USP22: variants seen among roughly 807,000 people sequenced by gnomAD.
The protein encoded by USP22 is ubiquitin carboxyl-terminal hydrolase 22.
Under a neutral mutation model 68.1 loss-of-function variants are expected in USP22, and 22 were observed. The observed-to-expected ratio is 0.32, with a 90% CI of 0.23 to 0.46. The LOEUF is 0.46. USP22 is among the 20% of genes least tolerant of loss of function. USP22 has a pLI of 1.00. For missense variants in USP22, 433 were observed against 695.8 expected, an observed-to-expected ratio of 0.62 and a Z score of 4.25; for synonymous variants, 279 against 274.2, an observed-to-expected ratio of 1.02 and a Z score of -0.17.
intron 8 of USP22, among the ~76,000 whole-genome samples, chr17:21,008,608 T>G (rs11870737): frequency 0.49 from 74,135 of 151,840 alleles, 19,273 homozygotes; most frequent in South Asian, 0.61. Context: ...GGTTACAGAG[T>G]GGGTGGTGAG....
At chr17:21,005,102 A>C in intron 10 of USP22, 112 bp from the exon 11 acceptor site, 12 of 1,205,596 alleles carry the variant, frequency 1.0e-5, no homozygotes, top group East Asian at 2.4e-5. Flanking sequence ...TGCTGCACCG[A>C]GGTGCACTTT....
chr17:21,016,967 A>G (rs1972090875), intron 5 of USP22, among the ~76,000 whole-genome samples: 1 of 152,230 alleles, frequency 6.6e-6, no homozygotes, highest in Admixed American at 6.5e-5. Flanking sequence ...TTATCACTAA[A>G]GTCAGTGATA....
intron 8 of USP22, among the ~76,000 whole-genome samples, chr17:21,010,170 C>A (rs1419326875): frequency 6.6e-6 from 1 of 151,958 alleles, no homozygotes; most frequent in Non-Finnish European, 1.5e-5. Flanking sequence ...TCTCAAAAAA[C>A]AAAATAAACA....
At chr17:21,007,741 T>C (rs1394840811) in intron 9 of USP22, 129 bp downstream of exon 9, 2 of 1,209,132 alleles carry the variant, frequency 1.7e-6, no homozygotes, top group Non-Finnish European at 2.4e-6. Context: ...ACACCCTCCC[T>C]TCCTCGGTGT....
At chr17:21,028,358 G>A (rs1972247923) in intron 2 of USP22, among the ~76,000 whole-genome samples, 184 bp downstream of exon 2, 1 of 152,196 alleles carries the variant, frequency 6.6e-6, no homozygotes, top group African/African-American at 2.4e-5. Flanking sequence ...AAGGCAAACT[G>A]AGGACGCGAT....
In USP22 at chr17:21,020,662, C is replaced by T. The variant is rs115759265; in HGVS notation, c.418+451G>A. On this transcript the variant is annotated intron_variant, in intron 3 of 12. Coordinates refer to ENST00000261497, the MANE Select transcript of USP22 (RefSeq NM_015276.2). ...AGGAAGGAGGTATGTTTACATATAACATTACTGCAAAGAGATCGCTTGCTA... is the reference window on the plus strand; with the variant it reads ...AGGAAGGAGGTATGTTTACATATAATATTACTGCAAAGAGATCGCTTGCTA... Among the ~76,000 whole-genome samples the T allele has an allele frequency of 4.1e-3, 619 of 152,340 alleles. 3 individuals are homozygous for T. The highest frequency in any genetic ancestry group is 0.014 in the African/African-American group (565 of 41,574).
At chr17:21,027,387 G>A (rs1347827570) in intron 2 of USP22, among the ~76,000 whole-genome samples, 1 of 151,350 alleles carries the variant, frequency 6.6e-6, no homozygotes, top group Admixed American at 6.6e-5. Context: ...TCCTTGTAGA[G>A]AGCTGTAAGG....
intron 6 of USP22, among the ~76,000 whole-genome samples, chr17:21,014,516 A>AG (rs1227311420): frequency 6.6e-6 from 1 of 152,204 alleles, no homozygotes; most frequent in Non-Finnish European, 1.5e-5. Flanking sequence ...AGTTTTTCAG[A>AG]GGAAAAAAAG....
chr17:21,042,373 CAG>C (rs1972447543), intron 1 of USP22: 1 of 137,848 alleles, frequency 7.3e-6, no homozygotes, highest in South Asian at 2.8e-4. Flanking sequence ...GGGGAGGGGA[CAG>C]AGAGGAGGGG....
In USP22 at chr17:21,015,849, C is replaced by A; in HGVS notation, c.741G>T (p.Leu247=). 1 of 1,614,126 alleles carries A rather than the reference C, an allele frequency of 6.2e-7. No homozygotes were observed. Among genetic ancestry groups the A allele is most frequent in the Non-Finnish European group, 8.5e-7 (1 of 1,180,034 alleles). ...CTAGGTGCCTCGCGTGGGTCCACAC[C>A]AGGTGCAGCAACTTATACGGGATGT... ...SPHIPYKLLH[L]VWTHARHLAG... Residue 247 remains leucine, a synonymous_variant, in exon 6 of 13, where the codon CTG becomes CTT. Coordinates refer to ENST00000261497, the MANE Select transcript of USP22 (RefSeq NM_015276.2).
chr17:21,043,327 C>T (rs1487887318), upstream of USP22: 2 of 140,208 alleles, frequency 1.4e-5, no homozygotes, highest in African/African-American at 5.7e-5. Context: ...GCACCTTCGG[C>T]TATTGTCATA....
At position 21,042,684 on chromosome 17, in the gene USP22, G is replaced by A; in HGVS notation, c.152C>T (p.Ala51Val). 1 of 1,345,858 alleles carries A rather than the reference G, an allele frequency of 7.4e-7. No homozygotes were observed. Among genetic ancestry groups the A allele is most frequent in the South Asian group, 1.7e-5 (1 of 57,196 alleles). 83.4% of individuals were successfully genotyped at this position (1,345,858 alleles called of 1,614,324 possible). ...IYQCFVWSGT[A>V]EARKRKAKSC... ...GCGCACCTTGCGCTTGCGGGCCTCA[G>A]CCGTGCCGCTCCACACGAAGCACTG... The change falls in exon 1 of 13, where the codon GCT becomes GTT. Residue 51 changes from alanine (A) to valine (V), a missense_variant. Transcript: ENST00000261497.
chr17:21,039,349 G>A (rs545110921), intron 1 of USP22, among the ~76,000 whole-genome samples: 1 of 151,452 alleles, frequency 6.6e-6, no homozygotes, highest in East Asian at 2.0e-4. Context: ...AGGCCAAGAT[G>A]GGCGGATCAC....
At chr17:21,027,004 C>G (rs1972229021) in intron 2 of USP22, among the ~76,000 whole-genome samples, 1 of 151,848 alleles carries the variant, frequency 6.6e-6, no homozygotes, top group Non-Finnish European at 1.5e-5. Flanking sequence ...GGGGTTTCAC[C>G]ATGTTGGCCG....
chr17:21,004,575 G>A (rs572596007), intron 11 of USP22, among the ~76,000 whole-genome samples: 98 of 152,304 alleles, frequency 6.4e-4, no homozygotes, highest in African/African-American at 2.2e-3. Flanking sequence ...ACTCCATCTA[G>A]TGGGAGTGGT....
Position 21,042,691 on chromosome 17 carries a change from C to G in USP22, c.145G>C (p.Gly49Arg). 7.3e-7 allele frequency: 1 copy of G among 1,370,244 alleles called. No individual in the cohort carries two copies. The highest frequency in any genetic ancestry group is 9.5e-7 in the Non-Finnish European group (1 of 1,050,658). The allele number at this position is 1,370,244 out of a possible 1,614,324, so 84.9% of individuals were successfully genotyped here. A position where few individuals can be genotyped will look rare whatever the true frequency, so the allele number is the denominator to read the frequency against. ...TTGCGCTTGCGGGCCTCAGCCGTGCCGCTCCACACGAAGCACTGGTAGATG... is the reference window on the plus strand; with the variant it reads ...TTGCGCTTGCGGGCCTCAGCCGTGCGGCTCCACACGAAGCACTGGTAGATG... ...RAIYQCFVWS[G>R]TAEARKRKAK... The change falls in exon 1 of 13, where the codon GGC (glycine) becomes CGC (arginine). Residue 49 changes from glycine (G) to arginine (R), a missense_variant. Coordinates refer to ENST00000261497, the MANE Select transcript of USP22 (RefSeq NM_015276.2).
chr17:21,036,993 A>G (rs1432720049), intron 1 of USP22, among the ~76,000 whole-genome samples: 2 of 152,220 alleles, frequency 1.3e-5, no homozygotes, highest in Non-Finnish European at 2.9e-5. Flanking sequence ...ATCCCAGAAC[A>G]TCGTGTAGTT....
chr17:21,038,164 C>T (rs1266878396), intron 1 of USP22, among the ~76,000 whole-genome samples: 3 of 151,918 alleles, frequency 2.0e-5, no homozygotes, highest in Non-Finnish European at 4.4e-5. Flanking sequence ...TGTGGGAGGC[C>T]GAAGTGAATC....
rs867261144 is a variant in USP22, at chr17:21,042,930, T to C, written c.-95A>G. On this transcript the variant is annotated 5_prime_UTR_variant, in exon 1 of 13. Transcript: ENST00000261497. ...GGGGCTGCTCGGCGGCTGGCCAGGC[T>C]GGCCAAGGCCCGGGCGCCGAGAACA... 248 of 845,120 alleles carry C rather than the reference T, an allele frequency of 2.9e-4. No homozygotes were observed. In the African/African-American group the frequency reaches 4.2e-3, roughly 14 times the overall value. 52.4% of individuals were successfully genotyped at this position (845,120 alleles called of 1,614,324 possible).
Sources: allele counts gnomAD v4.1 joint callset (sites outside exome capture counted in the v4.1 genomes callset), GRCh38; gene constraint gnomAD v4.1.1; transcripts MANE v1.5; gene names NCBI Gene and HGNC (gene_info 2026-07-23, HGNC 2026-07-21).